SPRR2G: variants seen among roughly 807,000 people sequenced by gnomAD.
SPRR2G encodes small proline rich protein 2G, also known as small proline-rich protein 2G.
In SPRR2G, 1 loss-of-function variant was observed where a neutral mutation model predicts 0.7. The observed-to-expected ratio is 1.49, with a 90% confidence interval of 0.53 to 7.06. The LOEUF (loss-of-function observed/expected upper bound fraction) is 7.06. Among genes scored for constraint, SPRR2G ranks in the 30% most tolerant of loss-of-function variants. The pLI is 0.14. For missense variants in SPRR2G, 96 were observed against 88.5 expected (o/e 1.09, Z -0.34); for synonymous variants, 38 against 33.9 (o/e 1.12, Z -0.42).
the SPRR2G span, among the ~76,000 whole-genome samples, chr1:153,192,171 GT>G: frequency 3.3e-5 from 5 of 152,196 alleles, no homozygotes; most frequent in Non-Finnish European, 7.3e-5. Flanking sequence ...TTGAATGTAT[GT>G]CTTCATAAGG....
the SPRR2G span, among the ~76,000 whole-genome samples, chr1:153,188,066 T>C: frequency 6.6e-6 from 1 of 152,100 alleles, no homozygotes; most frequent in African/African-American, 2.4e-5. Flanking sequence ...TGCCTACTCC[T>C]TCCTCTGGAA....
chr1:153,159,156 A>G, the SPRR2G span, among the ~76,000 whole-genome samples: 215 of 152,332 alleles, frequency 1.4e-3, no homozygotes, highest in Non-Finnish European at 2.1e-3. Context: ...TTCAAATCAT[A>G]TCTTTGTGAA....
chr1:153,193,905 G>A, the SPRR2G span, among the ~76,000 whole-genome samples: 1 of 152,252 alleles, frequency 6.6e-6, no homozygotes, highest in East Asian at 1.9e-4. Context: ...GGGCTGCATG[G>A]ACACCAGAGC....
the SPRR2G span, among the ~76,000 whole-genome samples, chr1:153,164,741 A>T: frequency 1.3e-5 from 2 of 152,212 alleles, no homozygotes; most frequent in African/African-American, 2.4e-5. Context: ...GCACACTGCA[A>T]ATTCAAGTTT....
chr1:153,155,132 C>A (rs915643336), upstream of SPRR2G, among the ~76,000 whole-genome samples: 1 of 152,134 alleles, frequency 6.6e-6, no homozygotes, highest in African/African-American at 2.4e-5. Context: ...TCTCTAGTTA[C>A]AATATCAATG....
chr1:153,183,089 A>G, the SPRR2G span, among the ~76,000 whole-genome samples: 10,717 of 144,070 alleles, frequency 0.074, 394 homozygotes, highest in Middle Eastern at 0.12. Flanking sequence ...TTGGGTGGGG[A>G]CAGAGTTTCA....
chr1:153,192,423 A>G, the SPRR2G span, among the ~76,000 whole-genome samples: 1 of 152,222 alleles, frequency 6.6e-6, no homozygotes, highest in African/African-American at 2.4e-5. Context: ...GCAAAACCAC[A>G]TCATAGTCAA....
chr1:153,158,860 C>T, the SPRR2G span, among the ~76,000 whole-genome samples: 1 of 152,238 alleles, frequency 6.6e-6, no homozygotes, highest in Non-Finnish European at 1.5e-5. Context: ...GCCAAGGTTT[C>T]AGACTTGCAC....
chr1:153,202,328 C>A, the SPRR2G span, among the ~76,000 whole-genome samples: 1 of 152,204 alleles, frequency 6.6e-6, no homozygotes, highest in African/African-American at 2.4e-5. Context: ...CAGTCACCTA[C>A]TAATACCAGA....
chr1:153,199,403 GGAGAGGA>G, the SPRR2G span, among the ~76,000 whole-genome samples: 3 of 152,200 alleles, frequency 2.0e-5, no homozygotes, highest in African/African-American at 7.2e-5. Flanking sequence ...CAGCCAGCAG[GGAGAGGA>G]GAGTCTGTGA....
At chr1:153,175,791 T>C in the SPRR2G span, among the ~76,000 whole-genome samples, 1 of 152,138 alleles carries the variant, frequency 6.6e-6, no homozygotes, top group African/African-American at 2.4e-5. Flanking sequence ...GAGGCCTCAA[T>C]AAATATTTCT....
the SPRR2G span, among the ~76,000 whole-genome samples, chr1:153,178,197 G>T: frequency 3.0e-3 from 452 of 152,220 alleles, 1 homozygote; most frequent in Middle Eastern, 0.027. Context: ...CCTTGATAAA[G>T]TTCCATATTA....
At chr1:153,175,954 G>C in the SPRR2G span, among the ~76,000 whole-genome samples, 1 of 152,142 alleles carries the variant, frequency 6.6e-6, no homozygotes, top group Admixed American at 6.5e-5. Flanking sequence ...CTACCCAGGA[G>C]GCTGAGACTG....
chr1:153,191,290 G>A, the SPRR2G span: 1 of 152,236 alleles, frequency 6.6e-6, no homozygotes, highest in African/African-American at 2.4e-5. Context: ...GTTCATAGAT[G>A]TGTGAGTGCT....
the SPRR2G span, among the ~76,000 whole-genome samples, chr1:153,180,028 C>T: frequency 6.6e-6 from 1 of 152,118 alleles, no homozygotes; most frequent in Non-Finnish European, 1.5e-5. Context: ...ATCTTTCTTT[C>T]CTTGTTCACT....
chr1:153,185,195 G>C, the SPRR2G span, among the ~76,000 whole-genome samples: 1 of 152,096 alleles, frequency 6.6e-6, no homozygotes, highest in Non-Finnish European at 1.5e-5. Flanking sequence ...GCCAGGTTTT[G>C]GTATCAGGAT....
At chr1:153,192,238 G>A in the SPRR2G span, among the ~76,000 whole-genome samples, 1 of 152,178 alleles carries the variant, frequency 6.6e-6, no homozygotes, top group East Asian at 1.9e-4. Context: ...GCAGAGCAGA[G>A]GATGTCTCCT....
the SPRR2G span, among the ~76,000 whole-genome samples, chr1:153,193,264 C>A: frequency 6.6e-6 from 1 of 152,116 alleles, no homozygotes; most frequent in East Asian, 1.9e-4. Flanking sequence ...ACCCACTCAC[C>A]CCCACCGATC....
chr1:153,179,342 C>T, the SPRR2G span, among the ~76,000 whole-genome samples: 1 of 152,092 alleles, frequency 6.6e-6, no homozygotes, highest in African/African-American at 2.4e-5. Flanking sequence ...CAAGCTGACA[C>T]GTCAAAAGAC....
Sources: gnomAD v4.1 joint callset for allele counts (sites outside exome capture counted in the v4.1 genomes callset) on GRCh38, gnomAD v4.1.1 for gene constraint, MANE v1.5 for transcripts, NCBI Gene and HGNC (gene_info 2026-07-23, HGNC 2026-07-21) for gene names.